Variants in ZNF536 observed in about 807,000 individuals in gnomAD.
ZNF536 encodes the protein zinc finger protein 536.
A neutral mutation model predicts 84.5 loss-of-function variants in ZNF536; 13 were observed. The ratio of observed to expected loss-of-function variants is 0.15; its 90% CI spans 0.10 to 0.24. The LOEUF (loss-of-function observed/expected upper bound fraction) is 0.24. Ranked by LOEUF, ZNF536 falls within the 10% of genes least tolerant of loss-of-function variation. The probability of loss-of-function intolerance (pLI) is 1.00; values close to 1 mark genes in which losing one functional copy is unlikely to be tolerated. For synonymous variants in ZNF536, 811 were observed against 742.5 expected, an observed-to-expected ratio of 1.09 and a Z score of -1.50; for missense variants, 1,536 against 1,747.5, an observed-to-expected ratio of 0.88 and a Z score of 2.16.
chr19:30,586,188 G>T (rs561852340), intron 1 of ZNF536, among the ~76,000 whole-genome samples: 1 of 152,312 alleles, frequency 6.6e-6, no homozygotes, highest in Non-Finnish European at 1.5e-5. Flanking sequence ...TCTGAAACAG[G>T]TTGCCCAAGT....
At chr19:30,411,475 A>T (rs969695937) in intron 1 of ZNF536, among the ~76,000 whole-genome samples, 3 of 152,150 alleles carry the variant, frequency 2.0e-5, no homozygotes, top group Non-Finnish European at 4.4e-5. Flanking sequence ...TTCTCCTATG[A>T]TTTCAGTGAT....
chr19:30,342,368 C>T (rs974840580), intron 2 of ZNF536, among the ~76,000 whole-genome samples: 7 of 152,076 alleles, frequency 4.6e-5, no homozygotes, highest in Admixed American at 4.6e-4. Context: ...TTGGCCCATT[C>T]ACAACTGCTA....
rs143155276 is a variant in ZNF536 at position 30,484,872 on chromosome 19, G to A, written c.2170+39140G>A. Among the ~76,000 whole-genome samples, 41 of 151,992 alleles carry A rather than the reference G, an allele frequency of 2.7e-4. No individual in the cohort carries two copies. In the East Asian group the frequency reaches 7.2e-3, roughly 27 times the overall value. ...AAAATCAAACCTTGTTGCCGGGCGCGGTGGCTCACGCCTGTAATCCCAGCA... is the reference window on the plus strand; with the variant it reads ...AAAATCAAACCTTGTTGCCGGGCGCAGTGGCTCACGCCTGTAATCCCAGCA... On this transcript the variant is annotated intron_variant, in intron 2 of 4. Transcript: ENST00000355537.
chr19:30,392,344 G>A (rs1368444), intron 1 of ZNF536, among the ~76,000 whole-genome samples: 5,693 of 152,222 alleles, frequency 0.037, 279 homozygotes, highest in Admixed American at 0.14. Flanking sequence ...AGGAGCAGCC[G>A]CCAAAGGGAT....
chr19:30,697,421 G>A (rs532104844), intron 1 of ZNF536, among the ~76,000 whole-genome samples: 81 of 152,338 alleles, frequency 5.3e-4, no homozygotes, highest in African/African-American at 1.7e-3. Flanking sequence ...CAATGGGCAC[G>A]TAGTAGGTGG....
intron 1 of ZNF536, among the ~76,000 whole-genome samples, chr19:30,237,705 CTAAT>C (rs2023639670): frequency 6.6e-6 from 1 of 151,740 alleles, no homozygotes; most frequent in Non-Finnish European, 1.5e-5. Context: ...ATTTTGTTTG[CTAAT>C]TAAATTGTTT....
chr19:30,627,098 C>G (rs1441290753), intron 1 of ZNF536, among the ~76,000 whole-genome samples: 1 of 152,038 alleles, frequency 6.6e-6, no homozygotes, highest in African/African-American at 2.4e-5. Context: ...GAAGGGTGCC[C>G]CTTGCTCCTC....
At chr19:30,680,647 T>G (rs946549065) in intron 1 of ZNF536, among the ~76,000 whole-genome samples, 1 of 152,156 alleles carries the variant, frequency 6.6e-6, no homozygotes, top group African/African-American at 2.4e-5. Context: ...TAATCCAGTC[T>G]ATCATTGTTG....
chr19:30,279,099 T>C (rs1272379374), intron 1 of ZNF536, among the ~76,000 whole-genome samples: 1 of 152,228 alleles, frequency 6.6e-6, no homozygotes, highest in Non-Finnish European at 1.5e-5. Context: ...GTTGCCCGCA[T>C]TCTCGCAGGG....
rs150104748 is a variant in ZNF536, at chr19:30,681,583, G to A, written c.170-29174G>A. On this transcript the variant is annotated intron_variant, in intron 1 of 1. Transcript: ENST00000592773. ...CCAAGAAGCTGGATGGAGTCCTAAGGGCCCCTCCTCCTAGCACTTAGGGCA... is the reference window on the plus strand; with the variant it reads ...CCAAGAAGCTGGATGGAGTCCTAAGAGCCCCTCCTCCTAGCACTTAGGGCA... Among the ~76,000 whole-genome samples, 670 of 152,272 alleles carry A rather than the reference G, an allele frequency of 4.4e-3. 10 individuals are homozygous for A. Among genetic ancestry groups the A allele is most frequent in the African/African-American group, 0.015 (633 of 41,546 alleles).
intron 1 of ZNF536, among the ~76,000 whole-genome samples, chr19:30,260,534 C>T (rs2025152204): frequency 6.6e-6 from 1 of 152,186 alleles, no homozygotes; most frequent in Non-Finnish European, 1.5e-5. Flanking sequence ...CGTTGCATGT[C>T]GGCCATTGGC....
intron 1 of ZNF536, among the ~76,000 whole-genome samples, chr19:30,244,652 T>G (rs1007528138): frequency 1.3e-5 from 2 of 152,216 alleles, no homozygotes; most frequent in African/African-American, 4.8e-5. Context: ...TCCAGACCAC[T>G]GCATTGCCAG....
chr19:30,375,496 G>C (rs368196647), intron 1 of ZNF536, among the ~76,000 whole-genome samples: 2 of 152,170 alleles, frequency 1.3e-5, no homozygotes, highest in Non-Finnish European at 2.9e-5. Context: ...GCCACACCGC[G>C]CACCCTACAC....
chr19:30,481,826 CG>C (rs2054101577), intron 2 of ZNF536, among the ~76,000 whole-genome samples: 1 of 152,084 alleles, frequency 6.6e-6, no homozygotes, highest in African/African-American at 2.4e-5. Flanking sequence ...TCACCCCTCC[CG>C]CCCTCACCAC....
intron 1 of ZNF536, among the ~76,000 whole-genome samples, chr19:30,594,266 G>C (rs2047371841): frequency 6.6e-6 from 1 of 152,226 alleles, no homozygotes; most frequent in Admixed American, 6.5e-5. Context: ...TACACGGCCA[G>C]CAGCCAGGTT....
At chr19:30,420,981 C>T (rs2050932759) in intron 1 of ZNF536, among the ~76,000 whole-genome samples, 1 of 152,122 alleles carries the variant, frequency 6.6e-6, no homozygotes, top group Non-Finnish European at 1.5e-5. Flanking sequence ...TTCACTTACA[C>T]GCTGAGGTTG....
At chr19:30,339,105 G>C (rs1242154887) in intron 2 of ZNF536, among the ~76,000 whole-genome samples, 1 of 152,192 alleles carries the variant, frequency 6.6e-6, no homozygotes, top group Non-Finnish European at 1.5e-5. Context: ...AGAGCTGCAT[G>C]TGCCGCCGCC....
chr19:30,684,792 C>A (rs73031199), intron 1 of ZNF536, among the ~76,000 whole-genome samples: 1 of 152,096 alleles, frequency 6.6e-6, no homozygotes, highest in Non-Finnish European at 1.5e-5. Context: ...GGCTGATTGA[C>A]GCAGGGGGCG....
At chr19:30,698,515 C>G (rs2051760627) in intron 1 of ZNF536, among the ~76,000 whole-genome samples, 1 of 152,134 alleles carries the variant, frequency 6.6e-6, no homozygotes, top group African/African-American at 2.4e-5. Flanking sequence ...CCTTAGGTGT[C>G]CTGTCTCCTT....
Sources: allele counts gnomAD v4.1 joint callset (sites outside exome capture counted in the v4.1 genomes callset), GRCh38; gene constraint gnomAD v4.1.1; transcripts MANE v1.5; gene names NCBI Gene and HGNC (gene_info 2026-07-23, HGNC 2026-07-21).